KIAA1328: variants seen among roughly 807,000 people sequenced by gnomAD.
KIAA1328 encodes the protein protein hinderin.
In KIAA1328, 52 loss-of-function variants were observed where a neutral mutation model predicts 68.1. The ratio of observed to expected loss-of-function variants is 0.76; its 90% CI spans 0.61 to 0.96. KIAA1328 has a LOEUF of 0.96. Among genes scored for constraint, KIAA1328 ranks in the 40% least tolerant of loss-of-function variants. KIAA1328 has a pLI of 0.00. For synonymous variants in KIAA1328, 232 were observed against 239.4 expected, an observed-to-expected ratio of 0.97 and a Z score of 0.28; for missense variants, 641 against 677.6, an observed-to-expected ratio of 0.95 and a Z score of 0.60.
intron 9 of KIAA1328, among the ~76,000 whole-genome samples, chr18:37,192,912 A>G (rs2059933091): frequency 6.6e-6 from 1 of 152,252 alleles, no homozygotes; most frequent in Non-Finnish European, 1.5e-5. Context: ...TTGTCTGCAC[A>G]CAGGAAGAAA....
At position 37,160,396 on chromosome 18, in the gene KIAA1328, T is replaced by C. The variant is rs373020707; in HGVS notation, c.1414+15T>C. ...ACCCCAAAGAGGTAAGTTTAACAAC[T>C]GTAGTGGCAAAATGAGAAACTGGTA... On this transcript the variant is annotated intron_variant, in intron 8 of 9. Coordinates refer to ENST00000280020, the MANE Select transcript of KIAA1328 (RefSeq NM_020776.3). 5 of 1,599,374 alleles carry C rather than the reference T, an allele frequency of 3.1e-6. No individual in the cohort carries two copies. The highest frequency in any genetic ancestry group is 3.4e-4 in the Middle Eastern group (2 of 5,970).
chr18:37,208,367 G>T (rs1156761922), intron 9 of KIAA1328, among the ~76,000 whole-genome samples: 1 of 152,194 alleles, frequency 6.6e-6, no homozygotes, highest in Non-Finnish European at 1.5e-5. Context: ...CTATGGGAAA[G>T]GCTTGCCACT....
rs1351841029 is a variant in KIAA1328 at position 37,222,985 on chromosome 18, A to G, written c.*758A>G. 6.1e-6 allele frequency: 6 copies of G among 984,320 alleles called. No individual in the cohort carries two copies. The highest frequency in any genetic ancestry group is 2.3e-4 in the East Asian group (2 of 8,778). The allele number at this position is 984,320 out of a possible 1,614,324, so 61.0% of individuals were successfully genotyped here. ...ATGTTTGGGTGACCACCCCTCCAAT[A>G]TCCCAGAATGAATAAGAACAATCCC... is the stretch of plus-strand genomic sequence containing the variant. On this transcript the variant is annotated 3_prime_UTR_variant, in exon 10 of 10. Coordinates refer to ENST00000280020, the MANE Select transcript of KIAA1328 (RefSeq NM_020776.3).
intron 4 of KIAA1328, among the ~76,000 whole-genome samples, chr18:36,855,974 AT>A (rs559500438): frequency 6.9e-4 from 103 of 149,008 alleles, no homozygotes; most frequent in Non-Finnish European, 5.7e-4. Context: ...AGTTAACAGG[AT>A]TTTTTTTTTC....
intron 7 of KIAA1328, among the ~76,000 whole-genome samples, chr18:37,091,819 C>A (rs1430786232): frequency 6.6e-6 from 1 of 152,194 alleles, no homozygotes; most frequent in South Asian, 2.1e-4. Context: ...CCCTAGGGAA[C>A]AGGCAGTTCA....
chr18:37,011,426 C>T (rs1226321365), intron 6 of KIAA1328, among the ~76,000 whole-genome samples: 1 of 152,138 alleles, frequency 6.6e-6, no homozygotes, highest in East Asian at 1.9e-4. Flanking sequence ...ATCCAGTGCA[C>T]TCTTCATTGT....
At chr18:36,835,141 C>A (rs2046630809) in intron 2 of KIAA1328, 93 bp from the exon 3 acceptor site, 2 of 1,057,748 alleles carry the variant, frequency 1.9e-6, no homozygotes, top group East Asian at 5.0e-5. Context: ...CATCAGGTCC[C>A]TTAAAGTAGA....
intron 6 of KIAA1328, among the ~76,000 whole-genome samples, chr18:36,975,530 C>T (rs1238491271): frequency 6.6e-6 from 1 of 152,164 alleles, no homozygotes; most frequent in Non-Finnish European, 1.5e-5. Flanking sequence ...GATGGGAATA[C>T]TGACATATAT....
intron 6 of KIAA1328, among the ~76,000 whole-genome samples, chr18:36,963,166 A>G (rs1361871317): frequency 1.3e-5 from 2 of 152,208 alleles, no homozygotes; most frequent in African/African-American, 2.4e-5. Flanking sequence ...GGAAGGTGGC[A>G]TCTATTTTTT....
chr18:37,226,626 C>T (rs1212395449), downstream of KIAA1328, among the ~76,000 whole-genome samples: 3 of 151,778 alleles, frequency 2.0e-5, no homozygotes, highest in Non-Finnish European at 2.9e-5. Flanking sequence ...ATACATGGTT[C>T]CTTTTGATTG....
chr18:37,089,166 G>A (rs1160293224), intron 7 of KIAA1328, among the ~76,000 whole-genome samples: 1 of 151,972 alleles, frequency 6.6e-6, no homozygotes, highest in African/African-American at 2.4e-5. Flanking sequence ...GTGTATATGT[G>A]TGTATGTGTG....
At chr18:36,829,356 T>G (rs1449066375) in intron 1 of KIAA1328, 160 bp downstream of exon 1, 69 of 1,381,270 alleles carry the variant, frequency 5.0e-5, no homozygotes, top group Non-Finnish European at 6.0e-5. Flanking sequence ...GCTCTCCCCT[T>G]GCTTGGGTGT....
At chr18:36,938,499 C>T (rs2050586985) in intron 5 of KIAA1328, among the ~76,000 whole-genome samples, 1 of 152,062 alleles carries the variant, frequency 6.6e-6, no homozygotes, top group Non-Finnish European at 1.5e-5. Flanking sequence ...TGGATATTTG[C>T]CTCTTATCAG....
intron 9 of KIAA1328, among the ~76,000 whole-genome samples, chr18:37,207,898 C>T (rs2154219990): frequency 6.6e-6 from 1 of 152,324 alleles, no homozygotes; most frequent in East Asian, 1.9e-4. Flanking sequence ...CAACCTCCGC[C>T]TCCTGGGTTC....
At chr18:37,029,631 G>A (rs925157058) in intron 6 of KIAA1328, among the ~76,000 whole-genome samples, 1 of 152,124 alleles carries the variant, frequency 6.6e-6, no homozygotes, top group African/African-American at 2.4e-5. Context: ...GTCAGTTTTA[G>A]AGTATGTACC....
chr18:37,056,854 G>T (rs1050559793), intron 6 of KIAA1328, among the ~76,000 whole-genome samples: 1 of 152,022 alleles, frequency 6.6e-6, no homozygotes, highest in Non-Finnish European at 1.5e-5. Flanking sequence ...TGTTGGCCAG[G>T]CTGGTCTCAA....
intron 6 of KIAA1328, among the ~76,000 whole-genome samples, chr18:37,054,307 T>C (rs528140152): frequency 4.6e-5 from 7 of 152,276 alleles, no homozygotes; most frequent in African/African-American, 1.7e-4. Context: ...GTCTCACTAC[T>C]AGATATCTAC....
chr18:36,974,998 A>G (rs1461667520), intron 6 of KIAA1328, among the ~76,000 whole-genome samples: 2 of 152,156 alleles, frequency 1.3e-5, no homozygotes, highest in African/African-American at 4.8e-5. Flanking sequence ...ATAAACAGCC[A>G]GATTAGTAGT....
At chr18:36,935,433 G>C (rs957332020) in intron 5 of KIAA1328, among the ~76,000 whole-genome samples, 1 of 152,124 alleles carries the variant, frequency 6.6e-6, no homozygotes, top group Non-Finnish European at 1.5e-5. Context: ...CCCCTGTCTG[G>C]TTAAAAGCTG....
Sources: allele counts gnomAD v4.1 joint callset (sites outside exome capture counted in the v4.1 genomes callset), GRCh38; gene constraint gnomAD v4.1.1; transcripts MANE v1.5; gene names NCBI Gene and HGNC (gene_info 2026-07-23, HGNC 2026-07-21).